The following VPS13B variants were observed in gnomAD, a reference collection of about 807,000 sequenced individuals.
The protein encoded by VPS13B is intermembrane lipid transfer protein VPS13B.
In VPS13B, 285 loss-of-function variants were observed where a neutral mutation model predicts 426.4. The observed-to-expected ratio is 0.67, with a 90% CI of 0.61 to 0.74. The LOEUF (loss-of-function observed/expected upper bound fraction) is 0.74. VPS13B is among the 30% of genes least tolerant of loss of function. VPS13B has a pLI of 0.00. For missense variants in VPS13B, 4,537 were observed against 4,782.6 expected, an observed-to-expected ratio of 0.95 and a Z score of 1.51; for synonymous variants, 1,676 against 1,676.4, an observed-to-expected ratio of 1.00 and a Z score of 0.01.
At chr8:99,441,839 A>G (rs1209591223) in intron 22 of VPS13B, among the ~76,000 whole-genome samples, 5 of 152,186 alleles carry the variant, frequency 3.3e-5, no homozygotes, top group African/African-American at 1.2e-4. Flanking sequence ...GTATTTATGT[A>G]TAATAAATCT....
At chr8:99,483,459 G>A (rs946208641) in intron 25 of VPS13B, among the ~76,000 whole-genome samples, 4 of 152,076 alleles carry the variant, frequency 2.6e-5, no homozygotes, top group Admixed American at 2.0e-4. Flanking sequence ...TAACTTTATT[G>A]AATACAGCAG....
At chr8:99,272,548 T>C (rs1818654701) in intron 17 of VPS13B, among the ~76,000 whole-genome samples, 1 of 152,132 alleles carries the variant, frequency 6.6e-6, no homozygotes, top group Non-Finnish European at 1.5e-5. Flanking sequence ...ATCATCACCA[T>C]TTTAGTGGTG....
At chr8:99,291,987 A>T (rs1026115784) in intron 19 of VPS13B, among the ~76,000 whole-genome samples, 11 of 152,144 alleles carry the variant, frequency 7.2e-5, no homozygotes, top group African/African-American at 2.7e-4. Flanking sequence ...AATCATATTT[A>T]AAAATTTTAA....
intron 50 of VPS13B, among the ~76,000 whole-genome samples, chr8:99,823,537 C>T (rs1563492316): frequency 6.6e-6 from 1 of 152,076 alleles, no homozygotes; most frequent in Non-Finnish European, 1.5e-5. Flanking sequence ...TCTAAATAAA[C>T]ACTTTGTGAG....
intron 34 of VPS13B, among the ~76,000 whole-genome samples, chr8:99,643,132 T>C (rs1829438678): frequency 1.3e-5 from 2 of 152,132 alleles, no homozygotes; most frequent in South Asian, 2.1e-4. Context: ...GGTTCAGATT[T>C]AAGACATACA....
chr8:99,815,949 A>T (rs769585045), intron 44 of VPS13B, among the ~76,000 whole-genome samples: 49 of 152,144 alleles, frequency 3.2e-4, no homozygotes, highest in Non-Finnish European at 5.9e-4. Flanking sequence ...CTCCTGCCTC[A>T]GCCTCCCAAG....
chr8:99,056,803 A>G (rs1399783161), intron 3 of VPS13B, among the ~76,000 whole-genome samples: 1 of 152,138 alleles, frequency 6.6e-6, no homozygotes, highest in Non-Finnish European at 1.5e-5. Context: ...AAACATGTAG[A>G]TGAATTTCAC....
At chr8:99,281,590 G>A (rs1218869195) in intron 19 of VPS13B, among the ~76,000 whole-genome samples, 3 of 152,190 alleles carry the variant, frequency 2.0e-5, no homozygotes, top group African/African-American at 7.2e-5. Flanking sequence ...CATCACCTCT[G>A]TGAGACTTGT....
At chr8:99,679,926 C>T (rs1318102237) in intron 35 of VPS13B, among the ~76,000 whole-genome samples, 1 of 152,150 alleles carries the variant, frequency 6.6e-6, no homozygotes, top group Non-Finnish European at 1.5e-5. Flanking sequence ...TATTATAATA[C>T]ATAAGGTCAA....
chr8:99,703,826 C>T (rs1015690425), intron 36 of VPS13B, among the ~76,000 whole-genome samples: 5 of 151,956 alleles, frequency 3.3e-5, no homozygotes, highest in African/African-American at 4.8e-5. Flanking sequence ...TCTGTTTGGG[C>T]GGCACTCCTT....
intron 19 of VPS13B, among the ~76,000 whole-genome samples, chr8:99,375,953 C>G (rs1039130063): frequency 2.0e-5 from 3 of 152,182 alleles, no homozygotes; most frequent in African/African-American, 7.2e-5. Flanking sequence ...GCTTCTATAG[C>G]TGCCAAGAGG....
chr8:99,561,147 C>T (rs1404285107), intron 31 of VPS13B, among the ~76,000 whole-genome samples: 1 of 152,128 alleles, frequency 6.6e-6, no homozygotes, highest in Admixed American at 6.6e-5. Context: ...TTTCTTCACC[C>T]CAAAGTAAAA....
chr8:99,184,514 A>G (rs960875893), intron 16 of VPS13B, among the ~76,000 whole-genome samples: 10 of 152,096 alleles, frequency 6.6e-5, no homozygotes, highest in Non-Finnish European at 1.5e-4. Context: ...TAAGACATTT[A>G]TTACACTTTT....
intron 33 of VPS13B, among the ~76,000 whole-genome samples, chr8:99,608,979 A>C (rs1447522416): frequency 6.6e-6 from 1 of 152,062 alleles, no homozygotes; most frequent in East Asian, 1.9e-4. Flanking sequence ...ATTCATGTGC[A>C]TGTTTTTGTG....
At chr8:99,573,206 G>A (rs946701969) in intron 31 of VPS13B, among the ~76,000 whole-genome samples, 4 of 152,166 alleles carry the variant, frequency 2.6e-5, no homozygotes, top group African/African-American at 9.7e-5. Context: ...TTAGCCCTTT[G>A]TCAGATGAGT....
intron 8 of VPS13B, among the ~76,000 whole-genome samples, chr8:99,133,123 T>C (rs1809889801): frequency 6.6e-6 from 1 of 152,242 alleles, no homozygotes; most frequent in African/African-American, 2.4e-5. Context: ...TTGGTCTGTG[T>C]TGAAAATCTG....
At chr8:99,057,953 A>C (rs1286680008) in intron 3 of VPS13B, among the ~76,000 whole-genome samples, 3 of 152,172 alleles carry the variant, frequency 2.0e-5, no homozygotes, top group African/African-American at 7.2e-5. Flanking sequence ...TCATTTCCTC[A>C]AAACTTCTTT....
intron 31 of VPS13B, among the ~76,000 whole-genome samples, chr8:99,560,249 A>G (rs1824834276): frequency 1.3e-5 from 2 of 152,114 alleles, no homozygotes; most frequent in Admixed American, 1.3e-4. Context: ...ATTTTTACAC[A>G]TTGATTTTGT....
chr8:99,177,215 G>A (rs1251389219), intron 16 of VPS13B, among the ~76,000 whole-genome samples: 1 of 152,142 alleles, frequency 6.6e-6, no homozygotes, highest in Admixed American at 6.5e-5. Context: ...ATTCAAGATT[G>A]CCTTTGACTT....
Sources: gnomAD v4.1 joint callset for allele counts (sites outside exome capture counted in the v4.1 genomes callset) on GRCh38, gnomAD v4.1.1 for gene constraint, MANE v1.5 for transcripts, NCBI Gene and HGNC (gene_info 2026-07-23, HGNC 2026-07-21) for gene names.